ENTPD1: variants seen among roughly 807,000 people sequenced by gnomAD.
ENTPD1 encodes the protein ATP diphosphohydrolase.
Under a neutral mutation model 57.0 loss-of-function variants are expected in ENTPD1, and 33 were observed. The observed-to-expected ratio is 0.58, with a 90% CI of 0.44 to 0.77. ENTPD1 has a LOEUF of 0.77. Among genes scored for constraint, ENTPD1 ranks in the 30% least tolerant of loss-of-function variants. The probability of loss-of-function intolerance (pLI) is 0.00; values close to 1 mark genes in which losing one functional copy is unlikely to be tolerated. For missense variants in ENTPD1, 501 were observed against 603.4 expected (o/e 0.83, Z 1.78); for synonymous variants, 202 against 218.8 (o/e 0.92, Z 0.68).
chr10:95,773,566 A>T (rs1351095963), intron 1 of ENTPD1, among the ~76,000 whole-genome samples: 1 of 152,090 alleles, frequency 6.6e-6, no homozygotes, highest in Non-Finnish European at 1.5e-5. Flanking sequence ...AGGCCCTAGG[A>T]TTTTCAGAAT....
intron 1 of ENTPD1, among the ~76,000 whole-genome samples, chr10:95,816,593 T>C (rs753029794): frequency 5.3e-5 from 8 of 152,050 alleles, no homozygotes; most frequent in Non-Finnish European, 1.0e-4. Flanking sequence ...GGAAAGGCCA[T>C]GTGAAGACAG....
At chr10:95,865,559 A>G (rs964228564) in intron 9 of ENTPD1, among the ~76,000 whole-genome samples, 1 of 152,150 alleles carries the variant, frequency 6.6e-6, no homozygotes, top group African/African-American at 2.4e-5. Context: ...AAGCAAAACA[A>G]AGCATTGAGA....
intron 1 of ENTPD1, among the ~76,000 whole-genome samples, chr10:95,734,349 A>G (rs2097992305): frequency 1.3e-5 from 2 of 152,208 alleles, no homozygotes; most frequent in Admixed American, 1.3e-4. Context: ...AAAGAGCAGA[A>G]TTTTTTGGAC....
intron 1 of ENTPD1, among the ~76,000 whole-genome samples, chr10:95,809,032 G>T (rs994644739): frequency 1.3e-5 from 2 of 152,068 alleles, no homozygotes; most frequent in Non-Finnish European, 2.9e-5. Context: ...GAGAGCACGG[G>T]GTTGGGGGTA....
chr10:95,844,714 T>C, intron 5 of ENTPD1, 79 bp downstream of exon 5: 1 of 1,533,412 alleles, frequency 6.5e-7, no homozygotes, highest in Non-Finnish European at 9.0e-7. Context: ...CTTGGGTCGC[T>C]AGCCAGAATG....
rs770963833 is a variant in ENTPD1 at position 95,864,784 on chromosome 10, A to T, written c.1249A>T (p.Thr417Ser). The change falls in exon 9 of 10, where the codon ACC becomes TCC. Residue 417 changes from threonine to serine, a missense_variant. Transcript: ENST00000371205. ...KYLSEYCFSG[T>S]YILSLLLQGY... ...CCTGAGTGAATACTGCTTTTCTGGT[A>T]CCTACATTCTCTCCCTCCTTCTGCA... 1.2e-6 allele frequency: 2 copies of T among 1,614,038 alleles called. No individual in the cohort carries two copies. The highest frequency in any genetic ancestry group is 1.7e-6 in the Non-Finnish European group (2 of 1,180,004).
intron 1 of ENTPD1, among the ~76,000 whole-genome samples, chr10:95,808,686 A>C (rs1447055091): frequency 6.6e-6 from 1 of 151,064 alleles, no homozygotes; most frequent in Non-Finnish European, 1.5e-5. Context: ...TCCCCAGACC[A>C]TGCTAGAGAT....
intron 1 of ENTPD1, among the ~76,000 whole-genome samples, chr10:95,714,309 G>C (rs1283330758): frequency 6.6e-6 from 1 of 151,860 alleles, no homozygotes; most frequent in African/African-American, 2.4e-5. Context: ...ATGAGACCCT[G>C]TCTCGAAAAA....
At position 95,875,696 on chromosome 10, in the gene ENTPD1, T is replaced by C; in HGVS notation, c.*9313T>C. 1 of 167,904 alleles carries C rather than the reference T, an allele frequency of 6.0e-6. No individual in the cohort carries two copies. Among genetic ancestry groups the C allele is most frequent in the Non-Finnish European group, 1.3e-5 (1 of 79,646 alleles). 10.4% of individuals were successfully genotyped at this position (167,904 alleles called of 1,614,324 possible). A position where few individuals can be genotyped will look rare whatever the true frequency, so the allele number is the denominator to read the frequency against. On this transcript the variant is annotated 3_prime_UTR_variant, in exon 10 of 10. Transcript: ENST00000371205. ...GAACAAAAAGAGGTTTAATTGGACT[T>C]ATAGTTCCACCTGGCTGGGGAGGCC...
chr10:95,710,934 A>AGCTGTGG (rs1231849023), upstream of ENTPD1, among the ~76,000 whole-genome samples: 1 of 152,182 alleles, frequency 6.6e-6, no homozygotes, highest in East Asian at 1.9e-4. Context: ...TTTCGCAGAT[A>AGCTGTGG]GCTGTGGCTA....
intron 1 of ENTPD1, among the ~76,000 whole-genome samples, chr10:95,774,591 A>C (rs1238967606): frequency 3.3e-5 from 5 of 152,038 alleles, no homozygotes; most frequent in East Asian, 1.9e-4. Context: ...ATAGGGAATC[A>C]TTTCCCCATT....
At chr10:95,745,797 G>A (rs1025978887) in intron 1 of ENTPD1, among the ~76,000 whole-genome samples, 5 of 152,232 alleles carry the variant, frequency 3.3e-5, no homozygotes, top group African/African-American at 1.2e-4. Context: ...TGAAGCTGCT[G>A]TGCTGTGTAC....
At chr10:95,801,167 T>C (rs1487248903) in intron 1 of ENTPD1, among the ~76,000 whole-genome samples, 1 of 152,238 alleles carries the variant, frequency 6.6e-6, no homozygotes, top group Non-Finnish European at 1.5e-5. Flanking sequence ...GGTCCCTGAC[T>C]TCCTGCAACA....
intron 1 of ENTPD1, among the ~76,000 whole-genome samples, chr10:95,713,035 A>T (rs797013830): frequency 0.34 from 47,412 of 139,868 alleles, 8,543 homozygotes; most frequent in Admixed American, 0.45. Flanking sequence ...TTCTGTCTTA[A>T]AAAAAAAAAA....
intron 1 of ENTPD1, among the ~76,000 whole-genome samples, chr10:95,762,948 T>G (rs530349725): frequency 5.3e-5 from 8 of 152,312 alleles, no homozygotes; most frequent in African/African-American, 1.9e-4. Context: ...ACTTCTTTTG[T>G]ATACTTTTTA....
chr10:95,837,236 T>G (rs1021515475), intron 2 of ENTPD1, among the ~76,000 whole-genome samples: 1 of 152,236 alleles, frequency 6.6e-6, no homozygotes. Flanking sequence ...AGATAAATGC[T>G]GCTTGCTGCT....
At chr10:95,749,724 A>T (rs765152086) in intron 1 of ENTPD1, among the ~76,000 whole-genome samples, 1 of 152,210 alleles carries the variant, frequency 6.6e-6, no homozygotes, top group Non-Finnish European at 1.5e-5. Flanking sequence ...GGGAGCAAGA[A>T]GAGGACAGTA....
chr10:95,808,661 C>G (rs772681919), intron 1 of ENTPD1, among the ~76,000 whole-genome samples: 7 of 151,352 alleles, frequency 4.6e-5, no homozygotes, highest in Non-Finnish European at 8.8e-5. Flanking sequence ...AGTCCACATG[C>G]CAAGGCACCT....
At chr10:95,864,250 A>C (rs3176882) in intron 8 of ENTPD1, among the ~76,000 whole-genome samples, 12,084 of 152,272 alleles carry the variant, frequency 0.079, 519 homozygotes, top group African/African-American at 0.098. Flanking sequence ...ATTGGGATGC[A>C]GATTCTGAAT....
Sources: gnomAD v4.1 joint callset for allele counts (sites outside exome capture counted in the v4.1 genomes callset) on GRCh38, gnomAD v4.1.1 for gene constraint, MANE v1.5 for transcripts, NCBI Gene and HGNC (gene_info 2026-07-23, HGNC 2026-07-21) for gene names.